Variants in ATP2B2 observed in about 807,000 individuals in gnomAD.
The protein encoded by ATP2B2 is ATPase plasma membrane Ca2+ transporting 2.
In ATP2B2, 15 loss-of-function variants were observed where a neutral mutation model predicts 120.0. That is an observed-to-expected ratio of 0.12 (90% CI 0.08 to 0.19). The LOEUF is 0.19. Ranked by LOEUF, ATP2B2 falls within the 10% of genes least tolerant of loss-of-function variation. The pLI is 1.00. For synonymous variants in ATP2B2, 694 were observed against 700.3 expected (o/e 0.99, Z 0.14); for missense variants, 1,045 against 1,719.8 (o/e 0.61, Z 6.94).
intron 1 of ATP2B2, among the ~76,000 whole-genome samples, chr3:10,644,028 G>C (rs1331010410): frequency 6.6e-6 from 1 of 152,172 alleles, no homozygotes; most frequent in African/African-American, 2.4e-5. Flanking sequence ...TCATTGATCT[G>C]ATAAGAGTCT....
At chr3:10,432,988 C>A (rs1230715202) in intron 2 of ATP2B2, among the ~76,000 whole-genome samples, 1 of 152,170 alleles carries the variant, frequency 6.6e-6, no homozygotes, top group East Asian at 1.9e-4. Context: ...CACCTCCACA[C>A]ACATGCATCT....
Position 10,544,470 on chromosome 3 carries a change from C to T in ATP2B2, c.-414-10337G>A, listed in dbSNP as rs545997054. Among the ~76,000 whole-genome samples, 62 of 152,274 alleles carry T rather than the reference C, an allele frequency of 4.1e-4. No homozygotes were observed. In the South Asian group the frequency reaches 0.012, roughly 30 times the overall value. On this transcript the variant is annotated intron_variant, in intron 2 of 21. Coordinates refer to the ATP2B2 transcript ENST00000646379. ...CAGCAGAACCTTTTGCCTTGATGGACCTGGAAGACTGAAAGAGAACTGGAA... is the reference window on the plus strand; with the variant it reads ...CAGCAGAACCTTTTGCCTTGATGGATCTGGAAGACTGAAAGAGAACTGGAA...
At chr3:10,431,300 G>C (rs1055012869) in intron 2 of ATP2B2, among the ~76,000 whole-genome samples, 1 of 152,202 alleles carries the variant, frequency 6.6e-6, no homozygotes, top group Non-Finnish European at 1.5e-5. Flanking sequence ...AGCATCGCAT[G>C]CTAGAGTAAC....
chr3:10,497,583 T>C (rs2066204633), intron 1 of ATP2B2, among the ~76,000 whole-genome samples: 2 of 152,200 alleles, frequency 1.3e-5, no homozygotes, highest in Admixed American at 1.3e-4. Context: ...ATCCTATGAA[T>C]TGGACACTTT....
At chr3:10,649,896 A>G (rs1295538004) in intron 1 of ATP2B2, among the ~76,000 whole-genome samples, 1 of 152,154 alleles carries the variant, frequency 6.6e-6, no homozygotes, top group Non-Finnish European at 1.5e-5. Context: ...CACCTTCCAC[A>G]ATGTTTGTGA....
At chr3:10,460,344 G>A (rs1004270484) in intron 1 of ATP2B2, among the ~76,000 whole-genome samples, 1 of 152,210 alleles carries the variant, frequency 6.6e-6, no homozygotes, top group Non-Finnish European at 1.5e-5. Context: ...AGGGCACAGT[G>A]CTGATTAGGG....
rs5846659 is a variant in ATP2B2, at chr3:10,421,798, CCT to C, written c.200-10985_200-10984del. 7.3e-3 allele frequency among the ~76,000 whole-genome samples: 1,106 copies of C among 152,300 alleles called. 13 individuals are homozygous for C. Among genetic ancestry groups the C allele is most frequent in the African/African-American group, 0.025 (1,059 of 41,562 alleles). On this transcript the variant is annotated intron_variant, in intron 2 of 22. Coordinates refer to ENST00000360273, the MANE Select transcript of ATP2B2 (RefSeq NM_001001331.4). The stretch of plus-strand genomic sequence containing the variant: ...CGGGTCTGCATGTGCCGGGCATTTG[CCT>C]CTGACTTGGCACATCTGGCTTCGAA...
chr3:10,687,230 T>C (rs995491340), intron 1 of ATP2B2, among the ~76,000 whole-genome samples: 2 of 152,202 alleles, frequency 1.3e-5, no homozygotes, highest in Middle Eastern at 3.2e-3. Context: ...AGTTTCCTTA[T>C]ACTTAACATG....
intron 6 of ATP2B2, 88 bp from the exon 7 acceptor site, chr3:10,386,600 T>C: frequency 7.1e-7 from 1 of 1,418,436 alleles, no homozygotes; most frequent in South Asian, 1.2e-5. Context: ...CAAACACACA[T>C]GTGCATACAC....
chr3:10,371,245 G>A (rs531220297), intron 12 of ATP2B2, among the ~76,000 whole-genome samples: 3 of 152,326 alleles, frequency 2.0e-5, no homozygotes, highest in South Asian at 4.1e-4. Context: ...GCCTGTTGTC[G>A]CCATGTGAAC....
chr3:10,358,632 T>G, intron 14 of ATP2B2, 59 bp downstream of exon 14: 2 of 1,548,254 alleles, frequency 1.3e-6, no homozygotes, highest in Non-Finnish European at 1.8e-6. Flanking sequence ...CAGGTCACCC[T>G]GGTGGCTGGC....
intron 1 of ATP2B2, among the ~76,000 whole-genome samples, chr3:10,499,103 T>C (rs1355355754): frequency 1.3e-5 from 2 of 152,234 alleles, no homozygotes; most frequent in African/African-American, 4.8e-5. Context: ...TTAGGATTTA[T>C]ACTCAAATCT....
intron 2 of ATP2B2, among the ~76,000 whole-genome samples, chr3:10,557,584 A>G (rs2067808952): frequency 6.6e-6 from 1 of 152,230 alleles, no homozygotes; most frequent in African/African-American, 2.4e-5. Flanking sequence ...CCTCTTGGGA[A>G]CAGAGGAGAA....
rs1559527380 is a variant in ATP2B2 at position 10,338,192 on chromosome 3, T to C, written c.3404A>G (p.Asn1135Ser). Residue 1135 changes from asparagine (N) to serine (S), a missense_variant, in exon 22 of 23, where the codon AAT becomes AGT. Physicochemically the swap from Asn to Ser is conservative, Grantham distance 46 (BLOSUM62 1). Transcript: ENST00000360273. ...RGQILWFRGL[N>S]RIQTQIRVVK... is the part of the protein sequence containing the mutation. ...CTCCTGTACCTGTGTCTGGATCCGA[T>C]TCAGGCCTCGGAACCACAGGATCTG... 1 of 1,614,012 alleles carries C rather than the reference T, an allele frequency of 6.2e-7. No individual in the cohort carries two copies. The highest frequency in any genetic ancestry group is 1.1e-5 in the South Asian group (1 of 91,082).
At position 10,379,294 on chromosome 3, in the gene ATP2B2, A is replaced by G. The variant is rs1445426663; in HGVS notation, c.1001-10T>C. ...CCATCCTGCATTTTACCTACACGAC[A>G]AAGAATTTTAACAGACAACAGAGAA... On this transcript the variant is annotated splice_polypyrimidine_tract_variant and intron_variant, in intron 8 of 22. Coordinates refer to ENST00000360273, the MANE Select transcript of ATP2B2 (RefSeq NM_001001331.4). 6.2e-7 allele frequency: 1 copy of G among 1,614,012 alleles called. No individual in the cohort carries two copies. Among genetic ancestry groups the G allele is most frequent in the Admixed American group, 1.7e-5 (1 of 60,014 alleles).
intron 1 of ATP2B2, among the ~76,000 whole-genome samples, chr3:10,451,052 A>T (rs1245243648): frequency 6.6e-6 from 1 of 152,082 alleles, no homozygotes; most frequent in African/African-American, 2.4e-5. Flanking sequence ...CACCTTCATA[A>T]CCTTTTCGTC....
chr3:10,524,493 A>G (rs2067050505), intron 3 of ATP2B2, among the ~76,000 whole-genome samples: 1 of 152,220 alleles, frequency 6.6e-6, no homozygotes, highest in Non-Finnish European at 1.5e-5. Context: ...GATCCCTGGC[A>G]GCTCTGCCTC....
At chr3:10,388,803 T>C in intron 5 of ATP2B2, among the ~76,000 whole-genome samples, 1 of 152,248 alleles carries the variant, frequency 6.6e-6, no homozygotes, top group Non-Finnish European at 1.5e-5. Flanking sequence ...GATTTTTTCA[T>C]ATCACTTTAC....
chr3:10,576,286 G>T (rs1231396825), intron 2 of ATP2B2, among the ~76,000 whole-genome samples: 1 of 152,174 alleles, frequency 6.6e-6, no homozygotes, highest in Non-Finnish European at 1.5e-5. Context: ...CTTCTCCTGC[G>T]GCCTCACTCC....
Sources: gnomAD v4.1 joint callset for allele counts (sites outside exome capture counted in the v4.1 genomes callset) on GRCh38, gnomAD v4.1.1 for gene constraint, MANE v1.5 for transcripts, NCBI Gene and HGNC (gene_info 2026-07-23, HGNC 2026-07-21) for gene names.